DGKI: variants seen among roughly 807,000 people sequenced by gnomAD.
DGKI encodes the protein DAG kinase iota.
A neutral mutation model predicts 147.5 loss-of-function variants in DGKI; 55 were observed. The ratio of observed to expected loss-of-function variants is 0.37; its 90% CI spans 0.30 to 0.47. DGKI has a LOEUF of 0.47. Ranked by LOEUF, DGKI falls within the 20% of genes least tolerant of loss-of-function variation. The pLI, the probability that DGKI is intolerant of heterozygous loss-of-function variation, is 1.00. For synonymous variants in DGKI, 469 were observed against 477.1 expected (o/e 0.98, Z 0.22); for missense variants, 1,007 against 1,323.8 (o/e 0.76, Z 3.71).
intron 3 of DGKI, among the ~76,000 whole-genome samples, chr7:137,658,229 C>T (rs1822293926): frequency 6.6e-6 from 1 of 152,068 alleles, no homozygotes; most frequent in African/African-American, 2.4e-5. Context: ...ATCGTAGTAA[C>T]ACAGCAGTAG....
chr7:137,504,435 C>A (rs951736842), intron 21 of DGKI, among the ~76,000 whole-genome samples: 7 of 151,972 alleles, frequency 4.6e-5, no homozygotes, highest in Admixed American at 2.0e-4. Flanking sequence ...AAAGACTGGG[C>A]TTTAAGTTTT....
chr7:137,639,413 G>A (rs566880865), intron 6 of DGKI, among the ~76,000 whole-genome samples: 20 of 152,290 alleles, frequency 1.3e-4, no homozygotes, highest in South Asian at 4.1e-4. Flanking sequence ...ATTTGCTTGC[G>A]TACCTGGAAC....
intron 10 of DGKI, among the ~76,000 whole-genome samples, chr7:137,607,326 T>G (rs1264384003): frequency 6.6e-6 from 1 of 152,250 alleles, no homozygotes; most frequent in Non-Finnish European, 1.5e-5. Context: ...TTTGTTCCTT[T>G]TGTGTCATTT....
intron 1 of DGKI, among the ~76,000 whole-genome samples, chr7:137,775,761 T>A (rs2116867402): frequency 6.6e-6 from 1 of 152,352 alleles, no homozygotes; most frequent in East Asian, 1.9e-4. Context: ...ACTCGATAGA[T>A]AAACTTATAT....
At chr7:137,712,861 G>A (rs1165530090) in intron 1 of DGKI, among the ~76,000 whole-genome samples, 2 of 152,156 alleles carry the variant, frequency 1.3e-5, no homozygotes, top group Non-Finnish European at 2.9e-5. Context: ...TAATTCCAAA[G>A]AATAATAGAC....
At chr7:137,662,144 C>T (rs563655780) in intron 3 of DGKI, among the ~76,000 whole-genome samples, 2 of 152,232 alleles carry the variant, frequency 1.3e-5, no homozygotes, top group South Asian at 4.1e-4. Context: ...AGCCCGACCT[C>T]CACCATCACT....
chr7:137,580,024 T>C (rs1024596921), intron 15 of DGKI, among the ~76,000 whole-genome samples: 1 of 152,104 alleles, frequency 6.6e-6, no homozygotes, highest in Non-Finnish European at 1.5e-5. Context: ...AACTTCATCA[T>C]AGTTCAAGGA....
intron 2 of DGKI, among the ~76,000 whole-genome samples, chr7:137,687,836 T>C (rs561277634): frequency 5.3e-4 from 80 of 152,296 alleles, no homozygotes; most frequent in Non-Finnish European, 9.3e-4. Context: ...TTTCGTGTCA[T>C]GCCATACTTT....
intron 23 of DGKI, among the ~76,000 whole-genome samples, chr7:137,484,160 A>T (rs916779900): frequency 6.6e-6 from 1 of 152,086 alleles, no homozygotes. Flanking sequence ...AAATACACAA[A>T]TAAGAACACA....
intron 1 of DGKI, among the ~76,000 whole-genome samples, chr7:137,724,140 C>A (rs1794652497): frequency 6.6e-6 from 1 of 152,044 alleles, no homozygotes. Context: ...ACTTGAAATG[C>A]AAAGTCCCTT....
Position 137,795,940 on chromosome 7 carries a change from A to G in DGKI, c.401+50522T>C, listed in dbSNP as rs186774254. Reference sequence around the variant, plus strand: ...CAACAAAGAACACAGACTTTACAGAATTTTAAAAGTCACTAAAAAACATAC... The same window carrying G: ...CAACAAAGAACACAGACTTTACAGAGTTTTAAAAGTCACTAAAAAACATAC... On this transcript the variant is annotated intron_variant, in intron 1 of 32. Coordinates refer to ENST00000614521, the MANE Select transcript of DGKI (RefSeq NM_001321708.2). Among the ~76,000 whole-genome samples the G allele has an allele frequency of 2.5e-3, 382 of 152,332 alleles. 1 individual carries two copies. Among genetic ancestry groups the G allele is most frequent in the African/African-American group, 8.4e-3 (351 of 41,590 alleles).
intron 6 of DGKI, among the ~76,000 whole-genome samples, chr7:137,629,644 C>T (rs78518462): frequency 1.1e-3 from 170 of 152,326 alleles, no homozygotes; most frequent in African/African-American, 3.7e-3. Flanking sequence ...CAACTATCTA[C>T]TGACTTACGG....
chr7:137,451,632 G>T (rs993720883), intron 27 of DGKI, among the ~76,000 whole-genome samples: 1 of 152,238 alleles, frequency 6.6e-6, no homozygotes, highest in South Asian at 2.1e-4. Context: ...ATGTTTTATC[G>T]TTTTTAGTCA....
chr7:137,651,001 G>C (rs1336544559), intron 5 of DGKI, among the ~76,000 whole-genome samples: 2 of 152,212 alleles, frequency 1.3e-5, no homozygotes, highest in East Asian at 3.9e-4. Flanking sequence ...AGGGCAGGCA[G>C]GGGCCAGACA....
intron 1 of DGKI, among the ~76,000 whole-genome samples, chr7:137,826,884 C>T (rs928581124): frequency 3.9e-5 from 6 of 152,218 alleles, no homozygotes; most frequent in Middle Eastern, 6.8e-3. Flanking sequence ...AAACACCATC[C>T]GTTATATTCC....
intron 1 of DGKI, among the ~76,000 whole-genome samples, chr7:137,717,337 T>G (rs887649498): frequency 1.3e-5 from 2 of 152,192 alleles, no homozygotes; most frequent in African/African-American, 4.8e-5. Context: ...ATTGCATATT[T>G]TTTTTCTTTG....
At position 137,521,977 on chromosome 7, in the gene DGKI, A is replaced by G. The variant is rs1239220583; in HGVS notation, c.2148-11T>C. On this transcript the variant is annotated splice_polypyrimidine_tract_variant and intron_variant, in intron 20 of 32. Transcript: ENST00000614521. ...GGGACAGACTGGGGACTGCAAAACA[A>G]GAACCGAGTGGTCAGATACAAATGA... 6.2e-7 allele frequency: 1 copy of G among 1,602,694 alleles called. No individual in the cohort carries two copies. The highest frequency in any genetic ancestry group is 1.1e-5 in the South Asian group (1 of 90,082).
Position 137,463,556 on chromosome 7 carries a change from G to T in DGKI, c.2668C>A (p.Leu890Met). 6 of 1,614,154 alleles carry T rather than the reference G, an allele frequency of 3.7e-6. No individual in the cohort carries two copies. The highest frequency in any genetic ancestry group is 1.1e-5 in the South Asian group (1 of 91,084). The change falls in exon 27 of 33, where the codon CTG becomes ATG. Residue 890 changes from leucine to methionine, a missense_variant. By Grantham distance (15) the Leu-to-Met change is conservative. Transcript: ENST00000614521. ...LRKRMLSDSG[L>M]GMIAPYYEDS... is the part of the protein sequence containing the mutation. ...TCATAATAGGGAGCTATCATCCCCA[G>T]CCCACTGTCACTCAGCATGCGTTTC...
intron 23 of DGKI, among the ~76,000 whole-genome samples, chr7:137,475,815 G>A (rs1360910431): frequency 5.9e-5 from 9 of 151,928 alleles, no homozygotes; most frequent in African/African-American, 4.8e-5. Context: ...TTTTAATTAC[G>A]ATTTCAATTT....
Sources: allele counts gnomAD v4.1 joint callset (sites outside exome capture counted in the v4.1 genomes callset), GRCh38; gene constraint gnomAD v4.1.1; transcripts MANE v1.5; gene names NCBI Gene and HGNC (gene_info 2026-07-23, HGNC 2026-07-21).